CDH4: variants seen among roughly 807,000 people sequenced by gnomAD.
CDH4 encodes the protein cadherin 4, also known as cadherin-4.
CDH4 carries 33 observed loss-of-function variants against 86.0 expected under a neutral mutation model. The ratio of observed to expected loss-of-function variants is 0.38; its 90% CI spans 0.29 to 0.51. The LOEUF (loss-of-function observed/expected upper bound fraction) is 0.51, where lower values mean the gene tolerates loss of function less well. Among genes scored for constraint, CDH4 ranks in the 20% least tolerant of loss-of-function variants. CDH4 has a pLI of 0.86. For missense variants in CDH4, 1,114 were observed against 1,307.4 expected (o/e 0.85, Z 2.28); for synonymous variants, 555 against 549.4 (o/e 1.01, Z -0.14).
intron 2 of CDH4, among the ~76,000 whole-genome samples, chr20:61,522,788 CTTA>C (rs900492919): frequency 6.6e-6 from 1 of 152,238 alleles, no homozygotes; most frequent in African/African-American, 2.4e-5. Flanking sequence ...CCGGTGTGGC[CTTA>C]TTATCTGCTC....
chr20:61,388,283 G>A (rs1456280257), intron 2 of CDH4, among the ~76,000 whole-genome samples: 2 of 152,148 alleles, frequency 1.3e-5, no homozygotes, highest in Non-Finnish European at 2.9e-5. Flanking sequence ...GTGGGGGTAG[G>A]GGGGTGTGGG....
intron 4 of CDH4, among the ~76,000 whole-genome samples, chr20:61,842,339 T>A (rs973932254): frequency 1.1e-4 from 16 of 152,320 alleles, no homozygotes; most frequent in African/African-American, 3.6e-4. Context: ...CTGTGTGTCA[T>A]CAGAATTCAG....
chr20:61,801,309 C>T (rs1414801946), intron 4 of CDH4, among the ~76,000 whole-genome samples: 1 of 152,132 alleles, frequency 6.6e-6, no homozygotes, highest in Non-Finnish European at 1.5e-5. Context: ...GGGTGTCCAG[C>T]CGCATCAGCC....
At chr20:61,571,635 C>A (rs941253434) in intron 2 of CDH4, among the ~76,000 whole-genome samples, 1 of 152,190 alleles carries the variant, frequency 6.6e-6, no homozygotes, top group Non-Finnish European at 1.5e-5. Context: ...CTGGCAAGCC[C>A]CAGCTCCCAC....
At chr20:61,901,717 G>C (rs1382695406) in intron 8 of CDH4, among the ~76,000 whole-genome samples, 2 of 152,262 alleles carry the variant, frequency 1.3e-5, no homozygotes, top group East Asian at 3.8e-4. Context: ...ATTAGGACCA[G>C]CCGGACGCTT....
At chr20:61,358,122 G>C (rs905093496) in intron 2 of CDH4, among the ~76,000 whole-genome samples, 1 of 152,184 alleles carries the variant, frequency 6.6e-6, no homozygotes, top group Non-Finnish European at 1.5e-5. Flanking sequence ...TCTTCTGCCT[G>C]GATATGGGTA....
chr20:61,832,383 G>C (rs959004335), intron 4 of CDH4, among the ~76,000 whole-genome samples: 1 of 152,220 alleles, frequency 6.6e-6, no homozygotes, highest in Admixed American at 6.5e-5. Context: ...GCCTTGGGTT[G>C]TGGTGATGAG....
chr20:61,645,219 G>A (rs1015665997), intron 2 of CDH4, among the ~76,000 whole-genome samples: 4 of 152,180 alleles, frequency 2.6e-5, no homozygotes, highest in East Asian at 1.9e-4. Flanking sequence ...TCTGCCTTTT[G>A]GAACAGTGGA....
chr20:61,294,221 G>A (rs1036780185), intron 2 of CDH4, among the ~76,000 whole-genome samples: 6 of 152,182 alleles, frequency 3.9e-5, no homozygotes, highest in African/African-American at 9.6e-5. Context: ...GGGTCTGCCC[G>A]TGACACCAGC....
chr20:61,563,922 C>G (rs1190699589), intron 2 of CDH4, among the ~76,000 whole-genome samples: 1 of 152,148 alleles, frequency 6.6e-6, no homozygotes, highest in Non-Finnish European at 1.5e-5. Flanking sequence ...TACAACCTGC[C>G]TTCTTGGCGG....
chr20:61,919,738 C>T (rs372985084), intron 9 of CDH4, among the ~76,000 whole-genome samples: 90 of 150,616 alleles, frequency 6.0e-4, no homozygotes, highest in Non-Finnish European at 1.1e-3. Flanking sequence ...ATGATGATTG[C>T]GTGGAAGCAT....
At chr20:61,860,049 A>T (rs781549378) in intron 6 of CDH4, among the ~76,000 whole-genome samples, 2 of 152,228 alleles carry the variant, frequency 1.3e-5, no homozygotes, top group Admixed American at 1.3e-4. Context: ...TGCCTGCCTC[A>T]TGGGCGGGGA....
At chr20:61,752,194 T>C (rs2088505268) in intron 3 of CDH4, among the ~76,000 whole-genome samples, 2 of 152,146 alleles carry the variant, frequency 1.3e-5, no homozygotes, top group South Asian at 4.2e-4. Context: ...TAGCTAGGCA[T>C]GGTGGTGCAC....
At position 61,923,432 on chromosome 20, in the gene CDH4, C is replaced by T. The variant is rs769675300; in HGVS notation, c.1375-19C>T. ...GGGAGCTGTGCCAGGTCACTCCCAG[C>T]CCTGATCTGTTGTTCCAGGCAGTCG... On this transcript the variant is annotated intron_variant, in intron 9 of 15. Coordinates refer to ENST00000614565, the MANE Select transcript of CDH4 (RefSeq NM_001794.5). 1 of 1,613,326 alleles carries T rather than the reference C, an allele frequency of 6.2e-7. No homozygotes were observed. Among genetic ancestry groups the T allele is most frequent in the Non-Finnish European group, 8.5e-7 (1 of 1,179,474 alleles).
At chr20:61,419,997 C>T (rs989500964) in intron 2 of CDH4, among the ~76,000 whole-genome samples, 2 of 152,368 alleles carry the variant, frequency 1.3e-5, no homozygotes, top group Admixed American at 1.3e-4. Flanking sequence ...AAAGCCTGTG[C>T]ATTCTCATTG....
intron 2 of CDH4, among the ~76,000 whole-genome samples, chr20:61,630,845 G>A (rs13039903): frequency 6.6e-6 from 1 of 152,234 alleles, no homozygotes; most frequent in African/African-American, 2.4e-5. Flanking sequence ...GAGCCCTTCA[G>A]TTGCTGGGGC....
intron 2 of CDH4, among the ~76,000 whole-genome samples, chr20:61,616,842 T>C (rs946995562): frequency 6.6e-6 from 1 of 152,190 alleles, no homozygotes; most frequent in Admixed American, 6.5e-5. Context: ...TGCCCTGGCC[T>C]TGGCCCAGCA....
intron 2 of CDH4, among the ~76,000 whole-genome samples, chr20:61,647,528 T>C (rs1246185701): frequency 4.4e-5 from 4 of 90,462 alleles, no homozygotes; most frequent in African/African-American, 1.8e-4. Context: ...ACACATATTC[T>C]CTCTCCCTCT....
intron 4 of CDH4, among the ~76,000 whole-genome samples, chr20:61,823,139 TTGAC>T (rs764922660): frequency 3.3e-5 from 5 of 152,026 alleles, no homozygotes; most frequent in African/African-American, 4.8e-5. Flanking sequence ...ATTCAGGCCT[TTGAC>T]TGATTGGATG....
Sources: allele counts gnomAD v4.1 joint callset (sites outside exome capture counted in the v4.1 genomes callset), GRCh38; gene constraint gnomAD v4.1.1; transcripts MANE v1.5; gene names NCBI Gene and HGNC (gene_info 2026-07-23, HGNC 2026-07-21).